HMCN1: variants seen among roughly 807,000 people sequenced by gnomAD.
HMCN1 encodes the protein hemicentin-1.
A neutral mutation model predicts 625.9 loss-of-function variants in HMCN1; 321 were observed. That is an observed-to-expected ratio of 0.51 (90% CI 0.47 to 0.56). HMCN1 has a LOEUF of 0.56. Among genes scored for constraint, HMCN1 ranks in the 20% least tolerant of loss-of-function variants. The pLI, the probability that HMCN1 is intolerant of heterozygous loss-of-function variation, is 0.00. For missense variants in HMCN1, 6,588 were observed against 6,887.3 expected, an observed-to-expected ratio of 0.96 and a Z score of 1.54; for synonymous variants, 2,425 against 2,417.6, an observed-to-expected ratio of 1.00 and a Z score of -0.09.
chr1:186,190,005 T>C lies in HMCN1; in HGVS notation c.*127T>C, dbSNP rs1320724765. ...CTTGAAAATGGTGCTACACTCTGTT[T>C]TGTGTGCCTTCCTTGGTACTTCTGA... On this transcript the variant is annotated 3_prime_UTR_variant, in exon 107 of 107. Coordinates refer to ENST00000271588, the MANE Select transcript of HMCN1 (RefSeq NM_031935.3). 4.8e-6 allele frequency: 5 copies of C among 1,036,356 alleles called. No individual in the cohort carries two copies. Among genetic ancestry groups the C allele is most frequent in the African/African-American group, 4.7e-5 (3 of 63,828 alleles). The allele number at this position is 1,036,356 out of a possible 1,614,324, so 64.2% of individuals were successfully genotyped here. A position where few individuals can be genotyped will look rare whatever the true frequency, so the allele number is the denominator to read the frequency against.
At chr1:185,848,880 T>C (rs1226088812) in intron 2 of HMCN1, among the ~76,000 whole-genome samples, 2 of 152,224 alleles carry the variant, frequency 1.3e-5, no homozygotes, top group African/African-American at 4.8e-5. Context: ...TGACACCATC[T>C]GAGTCCCAAT....
chr1:186,076,149 C>T (rs1409705131), intron 53 of HMCN1, among the ~76,000 whole-genome samples: 3 of 152,054 alleles, frequency 2.0e-5, no homozygotes, highest in Non-Finnish European at 4.4e-5. Context: ...AGAGTGAGCC[C>T]CTTTATTGTC....
intron 97 of HMCN1, among the ~76,000 whole-genome samples, chr1:186,161,370 A>T (rs542252714): frequency 6.6e-6 from 1 of 151,114 alleles, no homozygotes; most frequent in African/African-American, 2.5e-5. Context: ...TTGTCTCTTT[A>T]TCCAATTTGC....
chr1:185,897,006 C>G (rs1303150646), intron 4 of HMCN1, among the ~76,000 whole-genome samples: 5 of 152,112 alleles, frequency 3.3e-5, no homozygotes, highest in Non-Finnish European at 5.9e-5. Context: ...AACCAACTTT[C>G]CTTTTGTAAT....
chr1:185,925,356 A>G (rs1203845242), intron 9 of HMCN1, among the ~76,000 whole-genome samples, 165 bp downstream of exon 9: 1 of 152,232 alleles, frequency 6.6e-6, no homozygotes, highest in African/African-American at 2.4e-5. Flanking sequence ...TGGAGCTTAT[A>G]TTGTCATAGA....
chr1:186,137,673 A>G lies in HMCN1; in HGVS notation c.13753+5A>G, dbSNP rs761117992. On this transcript the variant is annotated splice_donor_5th_base_variant and intron_variant, in intron 88 of 106. Transcript: ENST00000271588. ...GTCAAAATAAGCCTTGTCCAGGTAC[A>G]CCTCCTTATTTAACTGATAGGCATG... The G allele has an allele frequency of 2.5e-6, 4 of 1,613,932 alleles. No homozygotes were observed. In the South Asian group the frequency reaches 3.3e-5, roughly 13 times the overall value.
chr1:186,076,555 T>C lies in HMCN1; in HGVS notation c.8418T>C (p.Pro2806=), dbSNP rs1658824977. The change falls in exon 54 of 107, where the codon CCT becomes CCC. Residue 2806 remains proline (P), a synonymous_variant. Coordinates refer to ENST00000271588, the MANE Select transcript of HMCN1 (RefSeq NM_031935.3). The stretch of plus-strand genomic sequence containing the variant: ...ACTGTGAGACAAATGCTGCTCCCCC[T>C]CCTACACTGACATGGTACAAAGATG... ...SLYCETNAAP[P]PTLTWYKDGH... 6.2e-7 allele frequency: 1 copy of C among 1,613,618 alleles called. No individual in the cohort carries two copies. Among genetic ancestry groups the C allele is most frequent in the Admixed American group, 1.7e-5 (1 of 59,952 alleles).
chr1:185,920,939 T>C (rs1018720716), intron 6 of HMCN1, among the ~76,000 whole-genome samples: 1 of 152,200 alleles, frequency 6.6e-6, no homozygotes, highest in African/African-American at 2.4e-5. Flanking sequence ...CTGACTTACA[T>C]GAAATTAGTA....
At chr1:186,117,236 A>G in intron 76 of HMCN1, 121 bp downstream of exon 76, 1 of 1,375,442 alleles carries the variant, frequency 7.3e-7, no homozygotes, top group Non-Finnish European at 1.0e-6. Flanking sequence ...GTTCAGGGGT[A>G]CACATGCAGG....
chr1:186,151,485 T>C (rs1650661357), intron 94 of HMCN1, 121 bp from the exon 95 acceptor site: 2 of 1,259,576 alleles, frequency 1.6e-6, no homozygotes, highest in Non-Finnish European at 2.3e-6. Flanking sequence ...CATGAGGTAC[T>C]GGTATTTGTT....
chr1:185,980,674 C>G (rs1651563746), intron 16 of HMCN1, among the ~76,000 whole-genome samples: 1 of 152,166 alleles, frequency 6.6e-6, no homozygotes, highest in East Asian at 1.9e-4. Context: ...ATGCTCTTGC[C>G]TTTGTAACCG....
chr1:185,904,757 T>C (rs918032657), intron 4 of HMCN1, among the ~76,000 whole-genome samples: 5 of 151,826 alleles, frequency 3.3e-5, no homozygotes, highest in African/African-American at 1.2e-4. Flanking sequence ...ATGGCAGTTG[T>C]GAAGATCAAT....
chr1:185,791,517 C>T (rs61829879), intron 1 of HMCN1, among the ~76,000 whole-genome samples: 2 of 151,686 alleles, frequency 1.3e-5, no homozygotes, highest in South Asian at 4.2e-4. Context: ...GCCAGGAGTT[C>T]GAGACCAGCC....
At chr1:186,095,174 T>C (rs969302447) in intron 67 of HMCN1, 69 bp from the exon 68 acceptor site, 29 of 1,439,058 alleles carry the variant, frequency 2.0e-5, no homozygotes, top group Non-Finnish European at 2.6e-5. Context: ...ATTATTCAAA[T>C]GTTTTAATTT....
Position 186,095,320 on chromosome 1 carries a change from A to G in HMCN1, c.10372A>G (p.Ile3458Val). 1 of 1,613,738 alleles carries G rather than the reference A, an allele frequency of 6.2e-7. No homozygotes were observed. The highest frequency in any genetic ancestry group is 8.5e-7 in the Non-Finnish European group (1 of 1,179,830). The change falls in exon 68 of 107, where the codon ATT becomes GTT. Residue 3458 changes from isoleucine (I) to valine (V), a missense_variant. Transcript: ENST00000271588. ...AGGTAGTTCCACCTCTATGGCATGC[A>G]TTACTGATGGAACCCCAGCTCCCAG... ...LKGSSTSMAC[I>V]TDGTPAPSMA...
chr1:185,801,234 G>A (rs774866071), intron 1 of HMCN1, among the ~76,000 whole-genome samples: 13 of 152,188 alleles, frequency 8.5e-5, no homozygotes, highest in Non-Finnish European at 1.6e-4. Context: ...TTAGTGATGA[G>A]TGCCAAAACA....
rs553825176 is a variant in HMCN1, at chr1:186,119,980, T to TC, written c.12095-27dup. 7.0e-4 allele frequency: 1,134 copies of TC among 1,612,786 alleles called. 6 individuals are homozygous for TC. In the African/African-American group the frequency reaches 0.011, roughly 16 times the overall value. Reference sequence around the variant, plus strand: ...TTTTTAATGAACAGGCTTTTTTTTTTCCCCACTCTGCTTTTGTAACTATGT... The same window carrying TC: ...TTTTTAATGAACAGGCTTTTTTTTTTCCCCCACTCTGCTTTTGTAACTATGT... On this transcript the variant is annotated intron_variant, in intron 79 of 106. Transcript: ENST00000271588.
intron 42 of HMCN1, among the ~76,000 whole-genome samples, chr1:186,052,160 G>GAGAA (rs531614568): frequency 5.3e-4 from 81 of 152,062 alleles, no homozygotes; most frequent in African/African-American, 1.8e-3. Context: ...GAGAGAGAGA[G>GAGAA]AGAAATAAAT....
chr1:186,166,783 A>G (rs1237360959), intron 99 of HMCN1, 25 bp from the exon 100 acceptor site: 3 of 1,614,026 alleles, frequency 1.9e-6, no homozygotes, highest in Non-Finnish European at 1.7e-6. Context: ...AGCTCACCTC[A>G]GTTGAATGAT....
Sources: allele counts gnomAD v4.1 joint callset (sites outside exome capture counted in the v4.1 genomes callset), GRCh38; gene constraint gnomAD v4.1.1; transcripts MANE v1.5; gene names NCBI Gene and HGNC (gene_info 2026-07-23, HGNC 2026-07-21).